PLD1: variants seen among roughly 807,000 people sequenced by gnomAD.
PLD1 encodes choline phosphatase 1.
A neutral mutation model predicts 137.1 loss-of-function variants in PLD1; 112 were observed. That is an observed-to-expected ratio of 0.82 (90% CI 0.70 to 0.96). The LOEUF is 0.96. Ranked by LOEUF, PLD1 falls within the 40% of genes least tolerant of loss-of-function variation. The probability of loss-of-function intolerance (pLI) is 0.00; values close to 1 mark genes in which losing one functional copy is unlikely to be tolerated. For missense variants in PLD1, 1,321 were observed against 1,342.0 expected, an observed-to-expected ratio of 0.98 and a Z score of 0.24; for synonymous variants, 431 against 454.7, an observed-to-expected ratio of 0.95 and a Z score of 0.66.
intron 1 of PLD1, among the ~76,000 whole-genome samples, chr3:171,773,873 C>T (rs1286494291): frequency 1.3e-5 from 2 of 151,942 alleles, no homozygotes; most frequent in Non-Finnish European, 2.9e-5. Flanking sequence ...CTCAGCCTCC[C>T]GAGTAGCTGG....
At chr3:171,647,607 G>A (rs1204872836) in intron 21 of PLD1, among the ~76,000 whole-genome samples, 2 of 151,896 alleles carry the variant, frequency 1.3e-5, no homozygotes, top group African/African-American at 2.4e-5. Flanking sequence ...GCACCACCAC[G>A]CCCAGGTAAT....
At chr3:171,623,570 C>T (rs1349284138) in intron 23 of PLD1, among the ~76,000 whole-genome samples, 6 of 151,800 alleles carry the variant, frequency 4.0e-5, no homozygotes, top group African/African-American at 1.5e-4. Context: ...GATCCGCCCA[C>T]CTCGGCCTCC....
At chr3:171,718,833 G>T (rs2108226862) in intron 8 of PLD1, among the ~76,000 whole-genome samples, 1 of 152,274 alleles carries the variant, frequency 6.6e-6, no homozygotes, top group Non-Finnish European at 1.5e-5. Context: ...TATTCATAAA[G>T]AATTAACTGA....
At chr3:171,636,741 C>T (rs765919079) in intron 23 of PLD1, among the ~76,000 whole-genome samples, 3 of 151,932 alleles carry the variant, frequency 2.0e-5, no homozygotes, top group Admixed American at 6.6e-5. Context: ...CTGTTCCTTT[C>T]CCTTTAAAAA....
chr3:171,644,609 C>T (rs766069301), intron 22 of PLD1, among the ~76,000 whole-genome samples: 12 of 152,102 alleles, frequency 7.9e-5, no homozygotes, highest in Admixed American at 7.2e-4. Flanking sequence ...TAGCTATTTA[C>T]CCACTTAAAG....
At chr3:171,653,362 T>A (rs1736937974) in intron 21 of PLD1, 1 of 152,198 alleles carries the variant, frequency 6.6e-6, no homozygotes, top group South Asian at 2.1e-4. Flanking sequence ...ACTAAACACA[T>A]ATTATGCTTC....
At chr3:171,617,248 C>T (rs1733193141) in intron 24 of PLD1, among the ~76,000 whole-genome samples, 1 of 152,202 alleles carries the variant, frequency 6.6e-6, no homozygotes, top group Non-Finnish European at 1.5e-5. Flanking sequence ...AAATATCCCC[C>T]TCTTTACTGG....
At chr3:171,688,513 G>C (rs1714797851) in intron 14 of PLD1, among the ~76,000 whole-genome samples, 163 bp downstream of exon 14, 1 of 152,148 alleles carries the variant, frequency 6.6e-6, no homozygotes, top group Non-Finnish European at 1.5e-5. Context: ...TGGGGAAGCT[G>C]GTGTTTGAAA....
chr3:171,643,335 A>G (rs1351406171), intron 22 of PLD1, among the ~76,000 whole-genome samples: 1 of 152,178 alleles, frequency 6.6e-6, no homozygotes, highest in Non-Finnish European at 1.5e-5. Context: ...CTTTAAATTC[A>G]GCAAAACCAC....
chr3:171,685,755 T>C (rs1026977974), intron 16 of PLD1, among the ~76,000 whole-genome samples: 1 of 152,220 alleles, frequency 6.6e-6, no homozygotes, highest in African/African-American at 2.4e-5. Flanking sequence ...GAGTATCTTC[T>C]TACCAAAGGC....
intron 1 of PLD1, among the ~76,000 whole-genome samples, chr3:171,764,726 G>C (rs1000928657): frequency 6.6e-6 from 1 of 150,956 alleles, no homozygotes; most frequent in African/African-American, 2.4e-5. Flanking sequence ...TTGTCTACAC[G>C]GTCTTTGAAA....
In PLD1 at chr3:171,719,676, G is replaced by A. The variant is rs149751038; in HGVS notation, c.758+5020C>T. 1.4e-3 allele frequency among the ~76,000 whole-genome samples: 209 copies of A among 152,260 alleles called. 4 individuals are homozygous for A. The highest frequency in any genetic ancestry group is 4.8e-3 in the African/African-American group (199 of 41,550). ...ATAAATGCTAAATTTATTTGTTAAC[G>A]TCTATACATCTCTTTTTCTTAAGAC... is the stretch of plus-strand genomic sequence containing the variant. On this transcript the variant is annotated intron_variant, in intron 8 of 26. Coordinates refer to ENST00000351298, the MANE Select transcript of PLD1 (RefSeq NM_002662.5).
chr3:171,717,122 G>A (rs1159782364), intron 8 of PLD1, among the ~76,000 whole-genome samples: 1 of 152,174 alleles, frequency 6.6e-6, no homozygotes, highest in Admixed American at 6.5e-5. Context: ...CTGTAGTGTA[G>A]TTTGGAGTCA....
chr3:171,639,632 T>TGA (rs1735533602), intron 23 of PLD1, among the ~76,000 whole-genome samples: 1 of 113,740 alleles, frequency 8.8e-6, no homozygotes, highest in Admixed American at 1.2e-4. Context: ...ATATATTCTA[T>TGA]ATAATATATA....
intron 19 of PLD1, among the ~76,000 whole-genome samples, chr3:171,667,922 TTA>T (rs1007203760): frequency 1.3e-5 from 2 of 152,184 alleles, no homozygotes; most frequent in Admixed American, 1.3e-4. Flanking sequence ...GAACTAATTT[TTA>T]TATTTTTAGT....
chr3:171,603,349 G>T, intron 26 of PLD1, 47 bp from the exon 27 acceptor site: 1 of 1,291,716 alleles, frequency 7.7e-7, no homozygotes, highest in Non-Finnish European at 1.1e-6. Context: ...TTAAAAGCGA[G>T]CACATGGCCT....
rs1719275446 is a variant in PLD1, at chr3:171,735,347, G to C, written c.434+145C>G. 7.1e-6 allele frequency: 5 copies of C among 700,742 alleles called. No individual in the cohort carries two copies. In the Admixed American group the frequency reaches 9.7e-5, roughly 14 times the overall value. The allele number at this position is 700,742 out of a possible 1,614,324, so 43.4% of individuals were successfully genotyped here. Reference sequence around the variant, plus strand: ...GAGGAGGTCTTGCTACGTTACACAGGCTAGTCTCAAACTCATGACCTCAAC... The same window carrying C: ...GAGGAGGTCTTGCTACGTTACACAGCCTAGTCTCAAACTCATGACCTCAAC... On this transcript the variant is annotated intron_variant, in intron 4 of 26. Transcript: ENST00000351298.
chr3:171,719,610 AAAGT>A (rs1717943492), intron 8 of PLD1, among the ~76,000 whole-genome samples: 1 of 152,274 alleles, frequency 6.6e-6, no homozygotes, highest in South Asian at 2.1e-4. Flanking sequence ...TAAGGAATTA[AAAGT>A]AATGGCAAAA....
intron 19 of PLD1, among the ~76,000 whole-genome samples, chr3:171,672,293 G>C (rs1560201215): frequency 6.6e-6 from 1 of 152,174 alleles, no homozygotes; most frequent in African/African-American, 2.4e-5. Context: ...ACACCCAAGT[G>C]TGCTTTGATG....
Sources: gnomAD v4.1 joint callset for allele counts (sites outside exome capture counted in the v4.1 genomes callset) on GRCh38, gnomAD v4.1.1 for gene constraint, MANE v1.5 for transcripts, NCBI Gene and HGNC (gene_info 2026-07-23, HGNC 2026-07-21) for gene names.